Variants in SPAG16 observed in about 807,000 individuals in gnomAD.
SPAG16 encodes the protein sperm-associated antigen 16 protein.
SPAG16 carries 86 observed loss-of-function variants against 80.4 expected under a neutral mutation model. That is an observed-to-expected ratio of 1.07 (90% CI 0.90 to 1.28). The LOEUF is 1.28. SPAG16 is among the 50% of genes most tolerant of loss of function. The pLI, the probability that SPAG16 is intolerant of heterozygous loss-of-function variation, is 0.00. For missense variants in SPAG16, 870 were observed against 765.3 expected (o/e 1.14, Z -1.61); for synonymous variants, 294 against 265.9 (o/e 1.11, Z -1.03).
chr2:213,363,689 G>A lies in SPAG16; in HGVS notation c.763-387G>A, dbSNP rs184537297. Among the ~76,000 whole-genome samples, 8 of 152,150 alleles carry A rather than the reference G, an allele frequency of 5.3e-5. No homozygotes were observed. The East Asian group carries it at 1.5e-3, about 29-fold the overall frequency. On this transcript the variant is annotated intron_variant, in intron 7 of 15. Coordinates refer to ENST00000331683, the MANE Select transcript of SPAG16 (RefSeq NM_024532.5). Reference sequence around the variant, plus strand: ...AACCTCTTCATATTTTACATTCCAAGTGATAATTACCTTGTATTTTATAAA... The same window carrying A: ...AACCTCTTCATATTTTACATTCCAAATGATAATTACCTTGTATTTTATAAA...
chr2:214,017,877 A>G (rs908399923), intron 13 of SPAG16, among the ~76,000 whole-genome samples: 5 of 152,176 alleles, frequency 3.3e-5, no homozygotes, highest in African/African-American at 1.2e-4. Context: ...ACTATTATGC[A>G]TGCTAGCTTT....
At chr2:213,834,291 T>G (rs527564171) in intron 10 of SPAG16, among the ~76,000 whole-genome samples, 2 of 152,130 alleles carry the variant, frequency 1.3e-5, no homozygotes, top group East Asian at 3.9e-4. Flanking sequence ...GCATAAAAAT[T>G]TTATTTAGCA....
intron 10 of SPAG16, among the ~76,000 whole-genome samples, chr2:213,512,075 C>G (rs1459516709): frequency 6.6e-6 from 1 of 151,962 alleles, no homozygotes; most frequent in Admixed American, 6.6e-5. Context: ...AAAATCACAA[C>G]AGTCATGGTT....
At chr2:214,138,422 A>G (rs1032246432) in intron 14 of SPAG16, among the ~76,000 whole-genome samples, 16 of 152,144 alleles carry the variant, frequency 1.1e-4, no homozygotes, top group African/African-American at 3.6e-4. Context: ...CTTGCAAAAG[A>G]ATATTTAAAG....
At chr2:214,222,110 CTTTTTTTTT>C (rs10694178) in intron 15 of SPAG16, among the ~76,000 whole-genome samples, 1 of 103,628 alleles carries the variant, frequency 9.6e-6, no homozygotes, top group Non-Finnish European at 1.8e-5. Context: ...CCTTGCTATT[CTTTTTTTTT>C]TTTTTTTTTT....
At chr2:214,117,746 G>A (rs2054011018) in intron 14 of SPAG16, among the ~76,000 whole-genome samples, 1 of 152,084 alleles carries the variant, frequency 6.6e-6, no homozygotes, top group African/African-American at 2.4e-5. Flanking sequence ...CAGAATGAAA[G>A]ACAAAAATTA....
At chr2:214,073,667 A>G (rs1379294477) in intron 13 of SPAG16, among the ~76,000 whole-genome samples, 2 of 152,216 alleles carry the variant, frequency 1.3e-5, no homozygotes, top group Non-Finnish European at 1.5e-5. Flanking sequence ...AAAACATTCC[A>G]GCAGTTTCTT....
At chr2:213,372,531 G>T (rs2066693548) in intron 8 of SPAG16, among the ~76,000 whole-genome samples, 1 of 151,994 alleles carries the variant, frequency 6.6e-6, no homozygotes, top group Admixed American at 6.6e-5. Context: ...GCTCAGAATT[G>T]CATTATGAGA....
chr2:213,925,383 G>T (rs2078424364), intron 11 of SPAG16, among the ~76,000 whole-genome samples: 1 of 143,522 alleles, frequency 7.0e-6, no homozygotes, highest in South Asian at 2.1e-4. Flanking sequence ...GTGGAGTCTT[G>T]CTGTGTTGCC....
In SPAG16 at chr2:213,984,401, A is replaced by G. The variant is rs116320277; in HGVS notation, c.1401-29550A>G. ...TACAAAATGCTATGCAGTATATCAGAGCCTTCTCTGTGCTCTTCAAACTTG... is the reference window on the plus strand; with the variant it reads ...TACAAAATGCTATGCAGTATATCAGGGCCTTCTCTGTGCTCTTCAAACTTG... On this transcript the variant is annotated intron_variant, in intron 12 of 15. Transcript: ENST00000331683. Among the ~76,000 whole-genome samples the G allele has an allele frequency of 5.9e-3, 901 of 152,236 alleles. 11 individuals are homozygous for G. The highest frequency in any genetic ancestry group is 0.02 in the African/African-American group (818 of 41,558).
intron 9 of SPAG16, among the ~76,000 whole-genome samples, chr2:213,445,003 C>A (rs772022718): frequency 6.6e-6 from 1 of 152,046 alleles, no homozygotes; most frequent in Non-Finnish European, 1.5e-5. Flanking sequence ...AAGGGAAATC[C>A]TTGTCAATAA....
intron 15 of SPAG16, among the ~76,000 whole-genome samples, chr2:214,177,412 T>C (rs1373655168): frequency 6.6e-6 from 1 of 151,102 alleles, no homozygotes; most frequent in Non-Finnish European, 1.5e-5. Context: ...GGACCTATGG[T>C]TCTACCAGCA....
intron 11 of SPAG16, among the ~76,000 whole-genome samples, chr2:213,873,720 C>T (rs1333920818): frequency 6.6e-6 from 1 of 151,520 alleles, no homozygotes; most frequent in East Asian, 1.9e-4. Context: ...TTCAGATTTC[C>T]CTTATAATTT....
chr2:213,658,245 C>T (rs988781454), intron 10 of SPAG16, among the ~76,000 whole-genome samples: 6 of 152,096 alleles, frequency 3.9e-5, no homozygotes, highest in Non-Finnish European at 8.8e-5. Flanking sequence ...GTGTGCTCCA[C>T]TTTTTGCTTA....
intron 12 of SPAG16, among the ~76,000 whole-genome samples, chr2:213,985,583 A>G (rs1395220795): frequency 1.3e-5 from 2 of 152,070 alleles, no homozygotes; most frequent in African/African-American, 4.8e-5. Context: ...ACTTTCTCCA[A>G]ATAAAATTCT....
At chr2:213,706,317 ACTT>A (rs2065751242) in intron 10 of SPAG16, among the ~76,000 whole-genome samples, 1 of 152,164 alleles carries the variant, frequency 6.6e-6, no homozygotes, top group African/African-American at 2.4e-5. Context: ...AGTGAATAAA[ACTT>A]CTACTAGCTT....
intron 10 of SPAG16, among the ~76,000 whole-genome samples, chr2:213,491,535 C>T (rs147950800): frequency 6.6e-6 from 1 of 152,188 alleles, no homozygotes; most frequent in Non-Finnish European, 1.5e-5. Flanking sequence ...TCTTGGGACT[C>T]TTTACAATCA....
At chr2:214,135,251 T>A (rs1489112828) in intron 14 of SPAG16, among the ~76,000 whole-genome samples, 1 of 152,172 alleles carries the variant, frequency 6.6e-6, no homozygotes, top group African/African-American at 2.4e-5. Flanking sequence ...TTCCTCTTGG[T>A]CCAAGCCAGG....
At chr2:213,975,488 AATG>A (rs1428753300) in intron 12 of SPAG16, among the ~76,000 whole-genome samples, 1 of 151,846 alleles carries the variant, frequency 6.6e-6, no homozygotes, top group Non-Finnish European at 1.5e-5. Flanking sequence ...GATTAAAGGA[AATG>A]GCAATATTAC....
Sources: gnomAD v4.1 joint callset for allele counts (sites outside exome capture counted in the v4.1 genomes callset) on GRCh38, gnomAD v4.1.1 for gene constraint, MANE v1.5 for transcripts, NCBI Gene and HGNC (gene_info 2026-07-23, HGNC 2026-07-21) for gene names.